Variants in GLIS3 observed in about 807,000 individuals in gnomAD.
GLIS3 encodes the protein zinc finger protein GLIS3.
In GLIS3, 53 loss-of-function variants were observed where a neutral mutation model predicts 78.6. That is an observed-to-expected ratio of 0.67 (90% CI 0.54 to 0.85). GLIS3 has a LOEUF of 0.85. GLIS3 is among the 40% of genes least tolerant of loss of function. The pLI is 0.00. For missense variants in GLIS3, 1,703 were observed against 1,231.1 expected, an observed-to-expected ratio of 1.38 and a Z score of -5.74; for synonymous variants, 684 against 509.9, an observed-to-expected ratio of 1.34 and a Z score of -4.60.
intron 4 of GLIS3, among the ~76,000 whole-genome samples, chr9:4,114,991 G>C (rs1227325625): frequency 6.6e-6 from 1 of 152,186 alleles, no homozygotes; most frequent in African/African-American, 2.4e-5. Context: ...CAGAGATTCT[G>C]AGAATGCGTT....
chr9:3,894,432 C>T (rs1435099190), intron 7 of GLIS3, among the ~76,000 whole-genome samples: 2 of 152,024 alleles, frequency 1.3e-5, no homozygotes, highest in African/African-American at 4.8e-5. Context: ...AGCTGTCCCA[C>T]GACAGCAAAT....
At position 4,117,165 on chromosome 9, in the gene GLIS3, G is replaced by C. The variant is rs969262995; in HGVS notation, c.1710+603C>G. Among the ~76,000 whole-genome samples, 8 of 152,220 alleles carry C rather than the reference G, an allele frequency of 5.3e-5. No individual in the cohort carries two copies. The South Asian group carries it at 1.7e-3, about 32-fold the overall frequency. On this transcript the variant is annotated intron_variant, in intron 4 of 10. Transcript: ENST00000381971. ...AAAATTACCTCTTAAAATTAGTTAG[G>C]ATCCTGTGAGATTCTGCTCCTGTGT...
chr9:4,367,694 A>G, the GLIS3 span, among the ~76,000 whole-genome samples: 2 of 150,176 alleles, frequency 1.3e-5, no homozygotes, highest in East Asian at 3.9e-4. Context: ...TCATTCTGTC[A>G]TTTACCTCCT....
intron 2 of GLIS3, among the ~76,000 whole-genome samples, chr9:4,132,058 A>C (rs1024338897): frequency 5.3e-5 from 8 of 151,978 alleles, no homozygotes; most frequent in African/African-American, 1.7e-4. Flanking sequence ...TTTAAAAAAA[A>C]AAAAAAACAA....
the GLIS3 span, among the ~76,000 whole-genome samples, chr9:4,434,833 A>C: frequency 6.6e-6 from 1 of 152,186 alleles, no homozygotes; most frequent in Non-Finnish European, 1.5e-5. Context: ...ATTTTAAGCA[A>C]GTGGGATGCT....
rs573577579 is a variant in GLIS3 at position 4,288,031 on chromosome 9, G to C, written c.-98-1508C>G. Among the ~76,000 whole-genome samples, 9 of 151,998 alleles carry C rather than the reference G, an allele frequency of 5.9e-5. No individual in the cohort carries two copies. In the South Asian group the frequency reaches 1.9e-3, roughly 32 times the overall value. On this transcript the variant is annotated intron_variant, in intron 1 of 10. Coordinates refer to ENST00000381971, the MANE Select transcript of GLIS3 (RefSeq NM_001042413.2). Reference sequence around the variant, plus strand: ...ACTCAGCCACATTCCTCTAAGTCAGGTCTCACTCCTGCCCTCTTCTCCCAT... The same window carrying C: ...ACTCAGCCACATTCCTCTAAGTCAGCTCTCACTCCTGCCCTCTTCTCCCAT...
chr9:4,329,810 A>C (rs1262035940), intron 2 of GLIS3, among the ~76,000 whole-genome samples: 1 of 152,268 alleles, frequency 6.6e-6, no homozygotes, highest in Non-Finnish European at 1.5e-5. Context: ...TCATTTCTTC[A>C]AGTGATGAGG....
intron 9 of GLIS3, among the ~76,000 whole-genome samples, chr9:3,838,071 G>T (rs1001842259): frequency 6.6e-6 from 1 of 152,098 alleles, no homozygotes; most frequent in African/African-American, 2.4e-5. Context: ...AAACTGCTCT[G>T]AAATAGTCTA....
chr9:4,108,911 C>T (rs1830987713), intron 4 of GLIS3, among the ~76,000 whole-genome samples: 2 of 152,108 alleles, frequency 1.3e-5, no homozygotes, highest in South Asian at 4.1e-4. Context: ...CCTTGGGTGG[C>T]TCAAACCCCA....
At chr9:3,997,729 T>G (rs1018801877) in intron 4 of GLIS3, among the ~76,000 whole-genome samples, 4 of 152,076 alleles carry the variant, frequency 2.6e-5, no homozygotes, top group African/African-American at 9.7e-5. Flanking sequence ...GTTAAAAATA[T>G]GTAGCAAACA....
chr9:4,381,867 G>A, the GLIS3 span, among the ~76,000 whole-genome samples: 7 of 152,196 alleles, frequency 4.6e-5, no homozygotes, highest in African/African-American at 1.7e-4. Context: ...TCTGGAAGTA[G>A]CTGTGCCCCT....
intron 2 of GLIS3, among the ~76,000 whole-genome samples, chr9:4,219,659 G>A (rs754971004): frequency 6.6e-5 from 10 of 152,198 alleles, no homozygotes; most frequent in South Asian, 2.1e-4. Flanking sequence ...TAGTTAAGGC[G>A]GTCACTATTC....
At chr9:4,053,572 A>G (rs1052312790) in intron 4 of GLIS3, among the ~76,000 whole-genome samples, 3 of 151,902 alleles carry the variant, frequency 2.0e-5, no homozygotes, top group Non-Finnish European at 4.4e-5. Context: ...CTAAGCCTAA[A>G]ACAGTCCCAG....
chr9:4,372,616 G>A, the GLIS3 span, among the ~76,000 whole-genome samples: 4 of 151,518 alleles, frequency 2.6e-5, no homozygotes, highest in South Asian at 2.1e-4. Flanking sequence ...AGGAATTTGC[G>A]TCAAATTTAA....
chr9:4,435,486 G>T, the GLIS3 span, among the ~76,000 whole-genome samples: 3 of 152,140 alleles, frequency 2.0e-5, no homozygotes, highest in Admixed American at 6.5e-5. Flanking sequence ...CGCATCTCCT[G>T]ACCCTTGTCA....
chr9:4,378,401 T>C, the GLIS3 span, among the ~76,000 whole-genome samples: 20 of 152,254 alleles, frequency 1.3e-4, no homozygotes, highest in Admixed American at 5.3e-4. Flanking sequence ...TCCAAAATAT[T>C]TAAAACATGT....
intron 4 of GLIS3, among the ~76,000 whole-genome samples, chr9:3,984,648 G>A (rs1294782683): frequency 1.3e-5 from 2 of 152,146 alleles, no homozygotes; most frequent in Admixed American, 6.5e-5. Flanking sequence ...GACTTTGGGG[G>A]ACTCTTGGGA....
intron 2 of GLIS3, among the ~76,000 whole-genome samples, chr9:4,141,390 T>G (rs1833803450): frequency 1.3e-5 from 2 of 152,306 alleles, no homozygotes; most frequent in South Asian, 2.1e-4. Flanking sequence ...AAACCTCCTG[T>G]GTCCAAGCAA....
chr9:4,472,083 C>A, the GLIS3 span, among the ~76,000 whole-genome samples: 1 of 152,120 alleles, frequency 6.6e-6, no homozygotes, highest in Non-Finnish European at 1.5e-5. Flanking sequence ...GTTAGAATGG[C>A]AGTCATTAAA....
Sources: allele counts gnomAD v4.1 joint callset (sites outside exome capture counted in the v4.1 genomes callset), GRCh38; gene constraint gnomAD v4.1.1; transcripts MANE v1.5; gene names NCBI Gene and HGNC (gene_info 2026-07-23, HGNC 2026-07-21).